Variants in CCM2 observed in about 807,000 individuals in gnomAD.
CCM2 encodes the protein cerebral cavernous malformations 2 protein.
Under a neutral mutation model 44.9 loss-of-function variants are expected in CCM2, and 25 were observed. The observed-to-expected ratio is 0.56, with a 90% CI of 0.41 to 0.78. CCM2 has a LOEUF of 0.78. Ranked by LOEUF, CCM2 falls within the 30% of genes least tolerant of loss-of-function variation. The probability of loss-of-function intolerance (pLI) is 0.00; values close to 1 mark genes in which losing one functional copy is unlikely to be tolerated. For missense variants in CCM2, 481 were observed against 580.6 expected, an observed-to-expected ratio of 0.83 and a Z score of 1.76; for synonymous variants, 219 against 241.1, an observed-to-expected ratio of 0.91 and a Z score of 0.85.
chr7:45,042,965 CTTCTTTT>C (rs1365125864), intron 2 of CCM2, among the ~76,000 whole-genome samples: 11 of 127,934 alleles, frequency 8.6e-5, no homozygotes, highest in African/African-American at 3.7e-4. Context: ...TTCTCTTCTT[CTTCTTTT>C]TTTTTTTTTT....
chr7:45,009,966 G>A (rs998731432), intron 1 of CCM2, among the ~76,000 whole-genome samples: 2 of 150,702 alleles, frequency 1.3e-5, no homozygotes, highest in Admixed American at 6.6e-5. Context: ...CTGGAGTGCC[G>A]TGGTGCAATC....
chr7:45,044,921 C>T (rs931062192), intron 2 of CCM2, among the ~76,000 whole-genome samples: 1 of 152,130 alleles, frequency 6.6e-6, no homozygotes, highest in East Asian at 1.9e-4. Flanking sequence ...TAACTAAACT[C>T]TAACCGATCC....
intron 6 of CCM2, chr7:45,070,834 G>A (rs975084822): frequency 1.2e-5 from 2 of 161,020 alleles, no homozygotes; most frequent in African/African-American, 2.4e-5. Flanking sequence ...AGTGCGGCTT[G>A]TTGAGTACAA....
intron 2 of CCM2, among the ~76,000 whole-genome samples, chr7:45,055,558 G>T (rs1318530136): frequency 6.6e-6 from 1 of 152,084 alleles, no homozygotes; most frequent in Non-Finnish European, 1.5e-5. Context: ...GTGTGGTGAC[G>T]GGTGCCCGTA....
At chr7:45,000,630 C>G (rs1036719331) in intron 1 of CCM2, among the ~76,000 whole-genome samples, 9 of 152,216 alleles carry the variant, frequency 5.9e-5, no homozygotes, top group African/African-American at 2.2e-4. Context: ...GCGTCGGGAC[C>G]TGGGGCTGCA....
intron 1 of CCM2, among the ~76,000 whole-genome samples, chr7:45,026,685 C>G (rs1796704752): frequency 6.7e-6 from 1 of 149,428 alleles, no homozygotes. Context: ...TTACTGGAAC[C>G]TCTGCCTCCC....
intron 9 of CCM2, among the ~76,000 whole-genome samples, chr7:45,075,123 A>C (rs1419062898): frequency 6.6e-6 from 1 of 152,222 alleles, no homozygotes; most frequent in African/African-American, 2.4e-5. Context: ...AGGAGCGTGA[A>C]GGGCTGGAGG....
At chr7:45,073,267 G>C (rs1799171252) in intron 7 of CCM2, 193 bp from the exon 8 acceptor site, 1 of 627,458 alleles carries the variant, frequency 1.6e-6, no homozygotes, top group Non-Finnish European at 2.9e-6. Flanking sequence ...ATGCCCCCGG[G>C]GAGCCCCAGG....
chr7:45,030,185 C>T (rs982321065), intron 1 of CCM2, among the ~76,000 whole-genome samples: 3 of 152,186 alleles, frequency 2.0e-5, no homozygotes, highest in Non-Finnish European at 2.9e-5. Context: ...AGAAATAGCA[C>T]TTAGCCTGGT....
At chr7:45,064,028 A>G (rs2128747379) in intron 3 of CCM2, 27 bp downstream of exon 3, 3 of 1,530,242 alleles carry the variant, frequency 2.0e-6, no homozygotes, top group Non-Finnish European at 2.7e-6. Flanking sequence ...AACCCTGTGC[A>G]CTAGCCCTCA....
rs71565940 is a variant in CCM2 at position 45,042,265 on chromosome 7, C to CAAAAAAA, written c.204+3843_204+3849dup. Reference sequence around the variant, plus strand: ...TGGGTAACAGAGCGAGATTCCATCTCAAAAAAAAAAGGTGCCGTTCCCTTC... The same window carrying CAAAAAAA: ...TGGGTAACAGAGCGAGATTCCATCTCAAAAAAAAAAAAAAAAAGGTGCCGTTCCCTTC... On this transcript the variant is annotated intron_variant, in intron 2 of 9. Coordinates refer to ENST00000258781, the MANE Select transcript of CCM2 (RefSeq NM_031443.4). Among the ~76,000 whole-genome samples the CAAAAAAA allele has an allele frequency of 2.0e-4, 20 of 102,416 alleles. 4 individuals are homozygous for CAAAAAAA. Among genetic ancestry groups the CAAAAAAA allele is most frequent in the Non-Finnish European group, 2.3e-4 (13 of 56,136 alleles). The allele number at this position is 102,416 out of a possible 152,430, so 67.2% of individuals were successfully genotyped here.
chr7:45,054,069 G>C (rs927140876), intron 2 of CCM2, among the ~76,000 whole-genome samples: 2 of 152,024 alleles, frequency 1.3e-5, no homozygotes, highest in Admixed American at 1.3e-4. Context: ...TTAATATTCT[G>C]TCCCCCTGGA....
intron 1 of CCM2, among the ~76,000 whole-genome samples, chr7:45,021,334 G>A (rs1298545721): frequency 6.6e-6 from 1 of 151,932 alleles, no homozygotes; most frequent in Admixed American, 6.6e-5. Flanking sequence ...AGGCCGAGGC[G>A]GGCGGATCAC....
At chr7:45,019,204 C>T (rs905944903) in intron 1 of CCM2, among the ~76,000 whole-genome samples, 3 of 150,624 alleles carry the variant, frequency 2.0e-5, no homozygotes, top group East Asian at 1.9e-4. Context: ...CCTGAGTAGC[C>T]GGGACTACAG....
At chr7:45,037,136 T>C (rs1797258763) in intron 1 of CCM2, among the ~76,000 whole-genome samples, 1 of 152,110 alleles carries the variant, frequency 6.6e-6, no homozygotes, top group South Asian at 2.1e-4. Context: ...CTCAGCACAA[T>C]TTGGGATTGC....
chr7:45,007,775 T>G (rs1412432623), intron 1 of CCM2, among the ~76,000 whole-genome samples: 2 of 148,750 alleles, frequency 1.3e-5, no homozygotes, highest in Non-Finnish European at 2.9e-5. Context: ...AGAAGACTGG[T>G]CAGCCTAAAC....
intron 2 of CCM2, among the ~76,000 whole-genome samples, chr7:45,055,221 T>C (rs1395668665): frequency 6.6e-6 from 1 of 152,126 alleles, no homozygotes; most frequent in Non-Finnish European, 1.5e-5. Context: ...AATTCCGGGG[T>C]ACTTTTGTTT....
chr7:45,007,614 G>C (rs1374778213), intron 1 of CCM2, among the ~76,000 whole-genome samples: 10 of 152,122 alleles, frequency 6.6e-5, no homozygotes, highest in Non-Finnish European at 1.5e-5. Flanking sequence ...TTAAGAATTA[G>C]GGCATTTGAC....
intron 2 of CCM2, among the ~76,000 whole-genome samples, chr7:45,041,084 C>G (rs1797473884): frequency 6.6e-6 from 1 of 152,052 alleles, no homozygotes; most frequent in South Asian, 2.1e-4. Context: ...AAGATAATTC[C>G]CAGGATGACA....
Sources: allele counts gnomAD v4.1 joint callset (sites outside exome capture counted in the v4.1 genomes callset), GRCh38; gene constraint gnomAD v4.1.1; transcripts MANE v1.5; gene names NCBI Gene and HGNC (gene_info 2026-07-23, HGNC 2026-07-21).